Variants in SLC4A4 observed in about 807,000 individuals in gnomAD.
SLC4A4 encodes the protein electrogenic sodium bicarbonate cotransporter 1.
A neutral mutation model predicts 111.5 loss-of-function variants in SLC4A4; 27 were observed. The ratio of observed to expected loss-of-function variants is 0.24; its 90% CI spans 0.18 to 0.33. The LOEUF (loss-of-function observed/expected upper bound fraction) is 0.33. Ranked by LOEUF, SLC4A4 falls within the 10% of genes least tolerant of loss-of-function variation. SLC4A4 has a pLI of 1.00. For missense variants in SLC4A4, 909 were observed against 1,315.5 expected (o/e 0.69, Z 4.78); for synonymous variants, 443 against 463.4 (o/e 0.96, Z 0.57).
chr4:71,180,541 G>T (rs1313172218), intron 2 of SLC4A4, among the ~76,000 whole-genome samples: 2 of 152,154 alleles, frequency 1.3e-5, no homozygotes, highest in Non-Finnish European at 2.9e-5. Context: ...AGTGGGCAAA[G>T]GATATGAACA....
At chr4:71,526,884 G>C (rs1187314234) in intron 16 of SLC4A4, among the ~76,000 whole-genome samples, 1 of 151,940 alleles carries the variant, frequency 6.6e-6, no homozygotes, top group East Asian at 1.9e-4. Context: ...TTTATAGCCA[G>C]CAGTGGCCAG....
At chr4:71,439,239 C>A (rs1260487812) in intron 7 of SLC4A4, among the ~76,000 whole-genome samples, 1 of 151,092 alleles carries the variant, frequency 6.6e-6, no homozygotes, top group African/African-American at 2.4e-5. Context: ...CCAGCCTGGC[C>A]AATATGGTGA....
intron 20 of SLC4A4, among the ~76,000 whole-genome samples, chr4:71,552,418 G>C (rs77726616): frequency 6.6e-6 from 1 of 151,694 alleles, no homozygotes; most frequent in East Asian, 2.0e-4. Flanking sequence ...CTGCTAGAAG[G>C]TCTCACTGCT....
At chr4:71,085,687 G>C (rs141852333) in intron 1 of SLC4A4, among the ~76,000 whole-genome samples, 16,610 of 151,882 alleles carry the variant, frequency 0.11, 1,341 homozygotes, top group African/African-American at 0.22. Context: ...GCTTGTTTTT[G>C]TCAGGTTTGT....
chr4:71,296,977 T>A lies in SLC4A4; in HGVS notation c.253+41578T>A, dbSNP rs150188851. The stretch of plus-strand genomic sequence containing the variant: ...ATCTTCTATTAAAGATAAGATAAGT[T>A]CTTACAATGTATAGGTTGTTTGTAG... On this transcript the variant is annotated intron_variant, in intron 3 of 25. Transcript: ENST00000264485. Among the ~76,000 whole-genome samples, 26 of 152,346 alleles carry A rather than the reference T, an allele frequency of 1.7e-4. No homozygotes were observed. The East Asian group carries it at 2.7e-3, about 16-fold the overall frequency.
chr4:71,558,409 G>A (rs192760045), intron 22 of SLC4A4, among the ~76,000 whole-genome samples: 8 of 151,968 alleles, frequency 5.3e-5, no homozygotes, highest in Admixed American at 3.3e-4. Flanking sequence ...TTTGCATAAT[G>A]GTAAGTTTAA....
At chr4:71,413,850 A>T (rs1721607324) in intron 7 of SLC4A4, among the ~76,000 whole-genome samples, 1 of 152,132 alleles carries the variant, frequency 6.6e-6, no homozygotes, top group South Asian at 2.1e-4. Context: ...CATCTGGAGA[A>T]GGGTGGTTGT....
chr4:71,294,507 G>A (rs1437025578), intron 3 of SLC4A4, among the ~76,000 whole-genome samples: 1 of 152,212 alleles, frequency 6.6e-6, no homozygotes, highest in African/African-American at 2.4e-5. Flanking sequence ...TTTTCTTAAT[G>A]GCAGTGGAGT....
chr4:71,099,081 T>A (rs1296319184), intron 2 of SLC4A4, among the ~76,000 whole-genome samples: 2 of 152,014 alleles, frequency 1.3e-5, no homozygotes, highest in Non-Finnish European at 2.9e-5. Context: ...ATATTCAGGA[T>A]CTGAACTCAA....
rs542339616 is a variant in SLC4A4, at chr4:71,106,191, A to T, written c.-2+13399A>T. Among the ~76,000 whole-genome samples the T allele has an allele frequency of 2.2e-4, 33 of 151,728 alleles. 1 individual carries two copies. Among genetic ancestry groups the T allele is most frequent in the Admixed American group, 7.2e-4 (11 of 15,208 alleles). On this transcript the variant is annotated intron_variant, in intron 2 of 26. Transcript: ENST00000649996. ...GAAAAAATGCTAACCATCACTGGCC[A>T]TCAGAGAAATGCAAATCTAAACCAC...
At chr4:71,131,176 A>T (rs1448125171) in intron 2 of SLC4A4, among the ~76,000 whole-genome samples, 1 of 152,186 alleles carries the variant, frequency 6.6e-6, no homozygotes, top group East Asian at 1.9e-4. Context: ...TGTCCATCTC[A>T]TACTAGTTTG....
chr4:71,330,371 G>A (rs1727869477), intron 3 of SLC4A4, among the ~76,000 whole-genome samples: 1 of 152,044 alleles, frequency 6.6e-6, no homozygotes, highest in Admixed American at 6.6e-5. Context: ...AATGTTTTGG[G>A]TAGGTAAAAC....
chr4:71,346,177 ATGT>A (rs779512555), intron 4 of SLC4A4, among the ~76,000 whole-genome samples: 5 of 152,170 alleles, frequency 3.3e-5, no homozygotes, highest in South Asian at 2.1e-4. Flanking sequence ...AACGAATGAA[ATGT>A]TGTTTGTTTG....
intron 3 of SLC4A4, among the ~76,000 whole-genome samples, chr4:71,317,642 T>C (rs1293030269): frequency 6.6e-6 from 1 of 152,064 alleles, no homozygotes; most frequent in Non-Finnish European, 1.5e-5. Flanking sequence ...GCTAGATATG[T>C]TTTTGAAATC....
chr4:71,229,882 C>A (rs1199083370), intron 1 of SLC4A4, among the ~76,000 whole-genome samples: 2 of 150,214 alleles, frequency 1.3e-5, no homozygotes, highest in African/African-American at 4.9e-5. Context: ...TTTTTCTTGC[C>A]CTTTGGTTCC....
chr4:71,465,773 G>A (rs1271794245), intron 12 of SLC4A4, among the ~76,000 whole-genome samples: 1 of 151,870 alleles, frequency 6.6e-6, no homozygotes, highest in African/African-American at 2.4e-5. Flanking sequence ...AAGGAAATGT[G>A]GCCATAAAAG....
At chr4:71,338,383 T>C (rs927994954) in intron 3 of SLC4A4, among the ~76,000 whole-genome samples, 2 of 152,176 alleles carry the variant, frequency 1.3e-5, no homozygotes, top group Non-Finnish European at 2.9e-5. Flanking sequence ...AATAAATATA[T>C]TTGTGTGTAC....
At chr4:71,319,876 C>T (rs574175297) in intron 3 of SLC4A4, among the ~76,000 whole-genome samples, 2 of 152,030 alleles carry the variant, frequency 1.3e-5, no homozygotes, top group African/African-American at 2.4e-5. Context: ...TCTTATAATT[C>T]GGATCCCATC....
chr4:71,443,085 T>TCA (rs1287483875), intron 8 of SLC4A4, among the ~76,000 whole-genome samples: 29 of 70,372 alleles, frequency 4.1e-4, no homozygotes, highest in African/African-American at 2.0e-3. Context: ...AGGCCACTAC[T>TCA]CTCTCTCTCT....
Sources: gnomAD v4.1 joint callset for allele counts (sites outside exome capture counted in the v4.1 genomes callset) on GRCh38, gnomAD v4.1.1 for gene constraint, MANE v1.5 for transcripts, NCBI Gene and HGNC (gene_info 2026-07-23, HGNC 2026-07-21) for gene names.